SEMA3C: variants seen among roughly 807,000 people sequenced by gnomAD.
The protein encoded by SEMA3C is semaphorin 3C, also known as semaphorin-3C.
Under a neutral mutation model 89.4 loss-of-function variants are expected in SEMA3C, and 47 were observed. That is an observed-to-expected ratio of 0.53 (90% CI 0.42 to 0.67). The LOEUF is 0.67. Among genes scored for constraint, SEMA3C ranks in the 30% least tolerant of loss-of-function variants. SEMA3C has a pLI of 0.00. For synonymous variants in SEMA3C, 310 were observed against 320.2 expected, an observed-to-expected ratio of 0.97 and a Z score of 0.34; for missense variants, 839 against 929.1, an observed-to-expected ratio of 0.90 and a Z score of 1.26.
At chr7:80,804,336 C>T (rs1243821961) in intron 7 of SEMA3C, 88 bp from the exon 8 acceptor site, 5 of 877,256 alleles carry the variant, frequency 5.7e-6, no homozygotes, top group African/African-American at 3.5e-5. Context: ...GATGCCTTCC[C>T]CATCTTTGGT....
chr7:80,875,613 C>G (rs1791182090), intron 2 of SEMA3C, among the ~76,000 whole-genome samples: 1 of 152,082 alleles, frequency 6.6e-6, no homozygotes, highest in Admixed American at 6.6e-5. Context: ...AATCCCCCTC[C>G]ATCCAACTCC....
chr7:80,749,437 G>A (rs1348581838), intron 16 of SEMA3C, among the ~76,000 whole-genome samples: 1 of 152,146 alleles, frequency 6.6e-6, no homozygotes, highest in East Asian at 1.9e-4. Context: ...CAATACCGAA[G>A]CCAGGTTTAT....
chr7:80,863,726 T>C (rs903403209), intron 2 of SEMA3C, among the ~76,000 whole-genome samples: 2 of 148,202 alleles, frequency 1.3e-5, no homozygotes, highest in African/African-American at 5.0e-5. Context: ...CACAGATATA[T>C]ATATCACATA....
chr7:80,919,410 G>T (rs4385413), upstream of SEMA3C: 52 of 980,110 alleles, frequency 5.3e-5, 1 homozygote, highest in Non-Finnish European at 5.8e-5. Context: ...GGCGGCTCTC[G>T]AAGACTTACA....
rs774807111 is a variant in SEMA3C, at chr7:80,745,196, G to C, written c.1954C>G (p.Gln652Glu). The C allele has an allele frequency of 6.2e-7, 1 of 1,613,974 alleles. No individual in the cohort carries two copies. The highest frequency in any genetic ancestry group is 8.5e-7 in the Non-Finnish European group (1 of 1,179,992). Residue 652 changes from glutamine to glutamate, a missense_variant, in exon 18 of 18, where the codon CAG becomes GAG. Coordinates refer to ENST00000265361, the MANE Select transcript of SEMA3C (RefSeq NM_006379.5). ...HCIATENSFK[Q>E]TIAKINFKVL... ...TTGAAGTTGATCTTGGCTATGGTCTGCTTGAAACTATTTTCTGTAGCAATG... is the reference window on the plus strand; with the variant it reads ...TTGAAGTTGATCTTGGCTATGGTCTCCTTGAAACTATTTTCTGTAGCAATG...
intron 5 of SEMA3C, among the ~76,000 whole-genome samples, chr7:80,817,810 T>C (rs1369052960): frequency 1.3e-5 from 2 of 152,100 alleles, no homozygotes; most frequent in African/African-American, 4.8e-5. Context: ...TATACATCTT[T>C]TACAGATATA....
At chr7:80,867,874 C>G in intron 2 of SEMA3C, among the ~76,000 whole-genome samples, 1 of 152,078 alleles carries the variant, frequency 6.6e-6, no homozygotes, top group East Asian at 1.9e-4. Flanking sequence ...GAGTCTTGGT[C>G]TCAACATCAG....
chr7:80,790,070 G>T (rs1358438495), intron 11 of SEMA3C, among the ~76,000 whole-genome samples: 1 of 152,108 alleles, frequency 6.6e-6, no homozygotes, highest in Admixed American at 6.6e-5. Flanking sequence ...GGATGTTGAA[G>T]CCAGGGGTTC....
intron 2 of SEMA3C, among the ~76,000 whole-genome samples, chr7:80,866,668 T>C (rs941531648): frequency 1.3e-5 from 2 of 152,076 alleles, no homozygotes; most frequent in Non-Finnish European, 2.9e-5. Context: ...AAGAAGCAAA[T>C]AGTAACTTGG....
At chr7:80,841,570 A>G (rs1345583814) in intron 2 of SEMA3C, among the ~76,000 whole-genome samples, 1 of 152,140 alleles carries the variant, frequency 6.6e-6, no homozygotes, top group Non-Finnish European at 1.5e-5. Context: ...TCTAACTGGA[A>G]AACAGCTATA....
At chr7:80,788,920 T>A (rs2115579369) in intron 12 of SEMA3C, among the ~76,000 whole-genome samples, 1 of 152,290 alleles carries the variant, frequency 6.6e-6, no homozygotes, top group East Asian at 1.9e-4. Context: ...TAATCATTGC[T>A]TTTTTCTTTT....
At chr7:80,769,664 C>T (rs1299144517) in intron 12 of SEMA3C, among the ~76,000 whole-genome samples, 1 of 152,054 alleles carries the variant, frequency 6.6e-6, no homozygotes, top group Non-Finnish European at 1.5e-5. Flanking sequence ...TAGAGACCAG[C>T]CTGGCCAACA....
At chr7:80,919,452 C>G, upstream of SEMA3C, 3 of 877,744 alleles carry the variant, frequency 3.4e-6, no homozygotes, top group Non-Finnish European at 4.1e-6. Context: ...TATCAAAGTG[C>G]AAAGCAGTTG....
chr7:80,822,699 T>C (rs1211561506), intron 4 of SEMA3C, among the ~76,000 whole-genome samples: 1 of 152,238 alleles, frequency 6.6e-6, no homozygotes, highest in Non-Finnish European at 1.5e-5. Flanking sequence ...GGCCTCTGGA[T>C]GCTTCAATCT....
chr7:80,776,518 TAC>T lies in SEMA3C; in HGVS notation c.1355-11277_1355-11276del, dbSNP rs148767314. Among the ~76,000 whole-genome samples the T allele has an allele frequency of 2.9e-4, 44 of 152,310 alleles. No individual in the cohort carries two copies. In the East Asian group the frequency reaches 7.7e-3, roughly 27 times the overall value. On this transcript the variant is annotated intron_variant, in intron 12 of 17. Coordinates refer to ENST00000265361, the MANE Select transcript of SEMA3C (RefSeq NM_006379.5). ...CTACGTGAACCTTTCTTGTAAATTC[TAC>T]AGATTATAACTAATTTTACTCCCCG...
chr7:80,899,636 C>T (rs1020000222), intron 2 of SEMA3C, among the ~76,000 whole-genome samples: 3 of 152,014 alleles, frequency 2.0e-5, no homozygotes, highest in African/African-American at 7.2e-5. Flanking sequence ...GAGTAGAAAA[C>T]TCCATGTTGT....
In SEMA3C at chr7:80,824,955, CTTA is replaced by C. The variant is rs551995288; in HGVS notation, c.327+2467_327+2469del. ...CACCATATCTAGCACATTGTAAAGA[CTTA>C]AATGTAAGGACTCCATCTAATTCAC... is the stretch of plus-strand genomic sequence containing the variant. On this transcript the variant is annotated intron_variant, in intron 4 of 17. Transcript: ENST00000265361. 5.2e-3 allele frequency among the ~76,000 whole-genome samples: 796 copies of C among 152,234 alleles called. 2 individuals carry two copies. Among genetic ancestry groups the C allele is most frequent in the Non-Finnish European group, 8.5e-3 (577 of 68,020 alleles).
intron 11 of SEMA3C, chr7:80,796,676 A>G (rs551456050): frequency 1.5e-4 from 23 of 152,356 alleles, no homozygotes; most frequent in East Asian, 7.7e-4. Flanking sequence ...ATTCTGTGAC[A>G]GGACTTTGTT....
chr7:80,829,090 C>T (rs10238463), intron 2 of SEMA3C, among the ~76,000 whole-genome samples: 98,823 of 151,756 alleles, frequency 0.65, 32,368 homozygotes, highest in Middle Eastern at 0.78. Flanking sequence ...TCTCTTGAGC[C>T]TAGGAAATTG....
Sources: allele counts gnomAD v4.1 joint callset (sites outside exome capture counted in the v4.1 genomes callset), GRCh38; gene constraint gnomAD v4.1.1; transcripts MANE v1.5; gene names NCBI Gene and HGNC (gene_info 2026-07-23, HGNC 2026-07-21).